TULP4: variants seen among roughly 807,000 people sequenced by gnomAD.
TULP4 encodes the protein TUB like protein 4.
A neutral mutation model predicts 129.0 loss-of-function variants in TULP4; 16 were observed. That is an observed-to-expected ratio of 0.12 (90% CI 0.08 to 0.19). The LOEUF (loss-of-function observed/expected upper bound fraction) is 0.19, where lower values mean the gene tolerates loss of function less well. Ranked by LOEUF, TULP4 falls within the 10% of genes least tolerant of loss-of-function variation. TULP4 has a pLI of 1.00. For synonymous variants in TULP4, 998 were observed against 854.0 expected, an observed-to-expected ratio of 1.17 and a Z score of -2.94; for missense variants, 1,842 against 2,059.1, an observed-to-expected ratio of 0.89 and a Z score of 2.04.
At chr6:158,286,035 A>G (rs960366959) in intron 1 of TULP4, among the ~76,000 whole-genome samples, 1 of 152,250 alleles carries the variant, frequency 6.6e-6, no homozygotes, top group Admixed American at 6.5e-5. Context: ...ACTCATCATG[A>G]TGTAAATTGG....
chr6:158,237,942 T>G, intron 1 of TULP4: 1 of 728,986 alleles, frequency 1.4e-6, no homozygotes. Flanking sequence ...GGTCACTAAT[T>G]GCCTCCTCCC....
At chr6:158,320,948 C>A (rs537067872) in intron 1 of TULP4, among the ~76,000 whole-genome samples, 1 of 152,310 alleles carries the variant, frequency 6.6e-6, no homozygotes, top group Non-Finnish European at 1.5e-5. Context: ...TTATAGTTAT[C>A]TGCTTGCCTC....
chr6:158,465,351 C>A (rs889475782), intron 6 of TULP4, among the ~76,000 whole-genome samples: 3 of 152,176 alleles, frequency 2.0e-5, no homozygotes, highest in African/African-American at 7.2e-5. Flanking sequence ...CTTTTTAAGG[C>A]TGAATAATAT....
In TULP4 at chr6:158,294,578, G is replaced by A. The variant is rs536570604; in HGVS notation, n.116+12200G>A. ...CGTCCTGTGTCCACATCCTCCATGG[G>A]TCCCTAAGGTAGCAGAGTCAGCCTC... On this transcript the variant is annotated intron_variant and non_coding_transcript_variant, in intron 1 of 1. Transcript: ENST00000432358. Among the ~76,000 whole-genome samples, 3 of 152,184 alleles carry A rather than the reference G, an allele frequency of 2.0e-5. No individual in the cohort carries two copies. In the East Asian group the frequency reaches 5.8e-4, roughly 30 times the overall value.
Position 158,509,981 on chromosome 6 carries a change from A to C in TULP4, c.*3287A>C, listed in dbSNP as rs938733309. 1.3e-5 allele frequency: 2 copies of C among 152,298 alleles called. No homozygotes were observed. Among genetic ancestry groups the C allele is most frequent in the South Asian group, 4.1e-4 (2 of 4,834 alleles). The allele number at this position is 152,298 out of a possible 1,614,324, so 9.4% of individuals were successfully genotyped here. On this transcript the variant is annotated 3_prime_UTR_variant, in exon 14 of 14. Transcript: ENST00000367097. ...TAGTTTATGAATATCAAGATACCTC[A>C]TTGAATCCCTAAATTTAAAAGCAGT...
intron 5 of TULP4, among the ~76,000 whole-genome samples, chr6:158,453,922 C>T (rs757978252): frequency 2.0e-5 from 3 of 151,482 alleles, no homozygotes; most frequent in African/African-American, 2.4e-5. Flanking sequence ...CACTGCATTC[C>T]GGCCTGGGCA....
At chr6:158,480,023 C>T (rs760789764) in intron 7 of TULP4, 48 bp downstream of exon 7, 1 of 1,454,198 alleles carries the variant, frequency 6.9e-7, no homozygotes, top group South Asian at 1.2e-5. Context: ...CCTGTGCTGG[C>T]TCCCCACAGA....
At chr6:158,387,159 G>A (rs905483415) in intron 1 of TULP4, among the ~76,000 whole-genome samples, 1 of 152,118 alleles carries the variant, frequency 6.6e-6, no homozygotes. Context: ...CACTGTAAGT[G>A]TGATGGCTGT....
intron 1 of TULP4, among the ~76,000 whole-genome samples, chr6:158,397,487 G>A (rs1302511002): frequency 2.0e-5 from 3 of 151,896 alleles, no homozygotes; most frequent in South Asian, 4.1e-4. Context: ...ACACAAATTC[G>A]TAAACTTTCT....
intron 1 of TULP4, among the ~76,000 whole-genome samples, chr6:158,295,998 A>AT: frequency 6.6e-6 from 1 of 152,148 alleles, no homozygotes; most frequent in East Asian, 1.9e-4. Flanking sequence ...TTTTTGTAAT[A>AT]TTTTTTCTTT....
At chr6:158,367,708 T>C (rs536522678) in intron 1 of TULP4, among the ~76,000 whole-genome samples, 1 of 152,250 alleles carries the variant, frequency 6.6e-6, no homozygotes, top group Admixed American at 6.5e-5. Context: ...CGTCAGGTGG[T>C]TCTCAAAGAT....
At chr6:158,247,875 T>G (rs1463974100) in intron 1 of TULP4, among the ~76,000 whole-genome samples, 2 of 152,238 alleles carry the variant, frequency 1.3e-5, no homozygotes, top group Non-Finnish European at 2.9e-5. Context: ...GCAGTGATGT[T>G]ACCATAGGCT....
chr6:158,356,180 T>C (rs1780644560), intron 1 of TULP4, among the ~76,000 whole-genome samples: 1 of 152,164 alleles, frequency 6.6e-6, no homozygotes, highest in Non-Finnish European at 1.5e-5. Flanking sequence ...TGTGAGTTAG[T>C]GGTGTTTAAA....
At chr6:158,339,534 G>A (rs567955525) in intron 1 of TULP4, among the ~76,000 whole-genome samples, 2 of 152,258 alleles carry the variant, frequency 1.3e-5, no homozygotes, top group Admixed American at 1.3e-4. Flanking sequence ...ATCTGCATAA[G>A]GCAGACACTC....
At chr6:158,422,035 G>T (rs1307449842) in intron 2 of TULP4, among the ~76,000 whole-genome samples, 1 of 152,074 alleles carries the variant, frequency 6.6e-6, no homozygotes, top group Non-Finnish European at 1.5e-5. Flanking sequence ...ATAAAACTGT[G>T]ATCATTGGTC....
intron 1 of TULP4, among the ~76,000 whole-genome samples, chr6:158,303,504 G>T (rs144145122): frequency 6.6e-5 from 10 of 152,246 alleles, no homozygotes; most frequent in Admixed American, 1.3e-4. Context: ...GTCTAATAAA[G>T]ATCACATGCT....
At chr6:158,365,024 C>T (rs758262744) in intron 1 of TULP4, among the ~76,000 whole-genome samples, 40 of 151,936 alleles carry the variant, frequency 2.6e-4, no homozygotes, top group African/African-American at 5.6e-4. Flanking sequence ...CGTGAGCCAC[C>T]GCGCCCAGCC....
chr6:158,241,066 A>G (rs2128445760), intron 1 of TULP4, among the ~76,000 whole-genome samples: 1 of 135,446 alleles, frequency 7.4e-6, no homozygotes, highest in South Asian at 2.4e-4. Context: ...CACCTCCCAG[A>G]CGGGGTCTCG....
At chr6:158,485,556 C>A (rs79999037) in intron 8 of TULP4, among the ~76,000 whole-genome samples, 18,240 of 152,210 alleles carry the variant, frequency 0.12, 1,335 homozygotes, top group South Asian at 0.18. Context: ...ATGCACTATT[C>A]TTCAAGAAGA....
Sources: gnomAD v4.1 joint callset for allele counts (sites outside exome capture counted in the v4.1 genomes callset) on GRCh38, gnomAD v4.1.1 for gene constraint, MANE v1.5 for transcripts, NCBI Gene and HGNC (gene_info 2026-07-23, HGNC 2026-07-21) for gene names.